Variants in CNTN5 observed in about 807,000 individuals in gnomAD.
CNTN5 encodes contactin 5.
Under a neutral mutation model 129.1 loss-of-function variants are expected in CNTN5, and 77 were observed. That is an observed-to-expected ratio of 0.60 (90% CI 0.50 to 0.72). The LOEUF is 0.72. CNTN5 is among the 30% of genes least tolerant of loss of function. The pLI is 0.00. For missense variants in CNTN5, 1,478 were observed against 1,328.8 expected, an observed-to-expected ratio of 1.11 and a Z score of -1.75; for synonymous variants, 509 against 465.6, an observed-to-expected ratio of 1.09 and a Z score of -1.20.
chr11:99,031,369 A>AC (rs1368604732), intron 1 of CNTN5, among the ~76,000 whole-genome samples: 1 of 152,114 alleles, frequency 6.6e-6, no homozygotes, highest in Non-Finnish European at 1.5e-5. Context: ...CAATAAGTAA[A>AC]CCTCTTCCTG....
intron 1 of CNTN5, among the ~76,000 whole-genome samples, chr11:99,102,537 C>T (rs939627682): frequency 2.6e-5 from 4 of 152,168 alleles, no homozygotes; most frequent in Non-Finnish European, 4.4e-5. Context: ...CCTAAATAAT[C>T]TCCCTCAGGC....
chr11:99,156,109 T>C (rs4317955), intron 1 of CNTN5, among the ~76,000 whole-genome samples: 9,456 of 152,102 alleles, frequency 0.062, 787 homozygotes, highest in East Asian at 0.34. Context: ...TTTAACTATA[T>C]AAAATGAATC....
chr11:99,875,643 T>C (rs1012142144), intron 6 of CNTN5, among the ~76,000 whole-genome samples: 2 of 152,284 alleles, frequency 1.3e-5, no homozygotes, highest in African/African-American at 4.8e-5. Context: ...TATTATTTTG[T>C]ACAGTCCTAA....
At chr11:99,803,660 CTAAG>C (rs1229910854) in intron 3 of CNTN5, among the ~76,000 whole-genome samples, 1 of 152,192 alleles carries the variant, frequency 6.6e-6, no homozygotes. Context: ...AATTAGCTCT[CTAAG>C]TTAGCCCCAG....
At chr11:99,161,849 T>A (rs1459248112) in intron 1 of CNTN5, among the ~76,000 whole-genome samples, 3 of 152,148 alleles carry the variant, frequency 2.0e-5, no homozygotes, top group African/African-American at 7.2e-5. Flanking sequence ...CCACTGAGAC[T>A]ATATTTAATC....
At chr11:99,021,354 C>T (rs1385472839) in intron 1 of CNTN5, 84 bp downstream of exon 1, 3 of 152,192 alleles carry the variant, frequency 2.0e-5, no homozygotes, top group Non-Finnish European at 2.9e-5. Flanking sequence ...TTTTGACACA[C>T]TCTGTTCTGC....
At chr11:99,593,720 GC>G (rs1487508068) in intron 3 of CNTN5, among the ~76,000 whole-genome samples, 2 of 152,134 alleles carry the variant, frequency 1.3e-5, no homozygotes, top group Non-Finnish European at 2.9e-5. Context: ...CCATTTAAAA[GC>G]TATTCCTGTA....
chr11:99,992,009 T>C (rs1163969742), intron 8 of CNTN5, among the ~76,000 whole-genome samples: 1 of 152,082 alleles, frequency 6.6e-6, no homozygotes, highest in Non-Finnish European at 1.5e-5. Context: ...GAAACATGTC[T>C]CAAACGAAGC....
chr11:99,257,865 A>C (rs1862447147), intron 1 of CNTN5, among the ~76,000 whole-genome samples: 1 of 152,264 alleles, frequency 6.6e-6, no homozygotes, highest in Non-Finnish European at 1.5e-5. Flanking sequence ...TTTACAAAGT[A>C]ATTATCAAGT....
chr11:99,543,719 AC>A (rs1948187857), intron 2 of CNTN5, among the ~76,000 whole-genome samples: 1 of 152,120 alleles, frequency 6.6e-6, no homozygotes, highest in Admixed American at 6.6e-5. Flanking sequence ...GGAGTTCAAG[AC>A]CAGCCTGGCC....
intron 8 of CNTN5, among the ~76,000 whole-genome samples, chr11:99,969,213 A>T (rs929732319): frequency 6.6e-6 from 1 of 152,174 alleles, no homozygotes; most frequent in African/African-American, 2.4e-5. Flanking sequence ...GAATTACTTA[A>T]TACGTGGTAA....
chr11:99,522,881 T>A (rs994316236), intron 2 of CNTN5, among the ~76,000 whole-genome samples: 1 of 152,154 alleles, frequency 6.6e-6, no homozygotes, highest in African/African-American at 2.4e-5. Context: ...CCTTCATGTG[T>A]TACAAGAATC....
chr11:99,180,202 T>C (rs912837900), intron 1 of CNTN5, among the ~76,000 whole-genome samples: 6 of 152,070 alleles, frequency 3.9e-5, no homozygotes, highest in Non-Finnish European at 7.4e-5. Context: ...GCAAATGATA[T>C]AATAATAAGC....
At chr11:100,026,934 C>A (rs955297391) in intron 9 of CNTN5, among the ~76,000 whole-genome samples, 2 of 151,730 alleles carry the variant, frequency 1.3e-5, no homozygotes, top group African/African-American at 4.8e-5. Flanking sequence ...GATAGTGTAT[C>A]TAAAATGTCA....
intron 10 of CNTN5, among the ~76,000 whole-genome samples, chr11:100,063,340 G>A (rs1279011980): frequency 2.0e-5 from 3 of 151,514 alleles, no homozygotes; most frequent in Admixed American, 2.0e-4. Context: ...GGCCATCTGG[G>A]TAAAGACAAA....
At chr11:99,936,041 G>T (rs1950309172) in intron 7 of CNTN5, among the ~76,000 whole-genome samples, 1 of 152,062 alleles carries the variant, frequency 6.6e-6, no homozygotes, top group Admixed American at 6.6e-5. Context: ...CAGGAATAAT[G>T]AATCCTATCC....
At chr11:99,372,458 G>A (rs1939881497) in intron 2 of CNTN5, among the ~76,000 whole-genome samples, 1 of 152,178 alleles carries the variant, frequency 6.6e-6, no homozygotes, top group Non-Finnish European at 1.5e-5. Flanking sequence ...AAGACACAGA[G>A]TGTTAAAACA....
At chr11:100,334,506 T>C (rs955502629) in intron 21 of CNTN5, among the ~76,000 whole-genome samples, 1 of 152,064 alleles carries the variant, frequency 6.6e-6, no homozygotes, top group South Asian at 2.1e-4. Context: ...CAATTTGAGA[T>C]TGCAAAAATA....
chr11:99,814,025 G>A (rs1294030873), intron 3 of CNTN5, among the ~76,000 whole-genome samples: 1 of 152,100 alleles, frequency 6.6e-6, no homozygotes, highest in African/African-American at 2.4e-5. Context: ...ATAAGGTCAT[G>A]ATAATTTTAT....
Sources: gnomAD v4.1 joint callset for allele counts (sites outside exome capture counted in the v4.1 genomes callset) on GRCh38, gnomAD v4.1.1 for gene constraint, MANE v1.5 for transcripts, NCBI Gene and HGNC (gene_info 2026-07-23, HGNC 2026-07-21) for gene names.